The following DPP10 variants were observed in gnomAD, a reference collection of about 807,000 sequenced individuals.
DPP10 encodes the protein inactive dipeptidyl peptidase 10.
A neutral mutation model predicts 120.9 loss-of-function variants in DPP10; 33 were observed. The observed-to-expected ratio is 0.27, with a 90% CI of 0.21 to 0.37. The LOEUF (loss-of-function observed/expected upper bound fraction) is 0.37. Among genes scored for constraint, DPP10 ranks in the 10% least tolerant of loss-of-function variants. The pLI is 1.00. For synonymous variants in DPP10, 337 were observed against 326.1 expected (o/e 1.03, Z -0.36); for missense variants, 816 against 942.8 (o/e 0.87, Z 1.76).
intron 1 of DPP10, among the ~76,000 whole-genome samples, chr2:115,088,750 C>CAAAAA (rs70941027): frequency 0.048 from 3,144 of 64,928 alleles, 397 homozygotes; most frequent in African/African-American, 0.16. Flanking sequence ...CTGTGCCTGA[C>CAAAAA]AAAAAAAAAA....
intron 5 of DPP10, among the ~76,000 whole-genome samples, chr2:115,653,291 C>T (rs139030694): frequency 2.0e-5 from 3 of 151,746 alleles, no homozygotes; most frequent in African/African-American, 7.3e-5. Flanking sequence ...TTGTTTAATA[C>T]AAGTTAAAAA....
intron 1 of DPP10, among the ~76,000 whole-genome samples, chr2:114,502,880 A>G (rs748311380): frequency 5.3e-5 from 8 of 152,232 alleles, no homozygotes; most frequent in Non-Finnish European, 1.2e-4. Flanking sequence ...CTAAGTGTGA[A>G]TTCTACTTAA....
intron 5 of DPP10, among the ~76,000 whole-genome samples, chr2:115,529,023 G>A (rs760372399): frequency 2.5e-4 from 38 of 151,938 alleles, no homozygotes; most frequent in Non-Finnish European, 4.6e-4. Flanking sequence ...AGATAGTATC[G>A]GTGGGGAAAA....
At chr2:114,713,278 G>A (rs1005248974) in intron 1 of DPP10, among the ~76,000 whole-genome samples, 3 of 152,050 alleles carry the variant, frequency 2.0e-5, no homozygotes, top group Admixed American at 6.5e-5. Flanking sequence ...GTGAGCCACC[G>A]TACCCCGCCT....
intron 1 of DPP10, among the ~76,000 whole-genome samples, chr2:114,539,847 G>A (rs762244976): frequency 1.3e-4 from 20 of 152,090 alleles, no homozygotes; most frequent in Non-Finnish European, 2.6e-4. Context: ...AAAGCACATT[G>A]ACATAGCCAT....
intron 1 of DPP10, among the ~76,000 whole-genome samples, chr2:114,786,222 A>T (rs1682753627): frequency 6.6e-6 from 1 of 152,240 alleles, no homozygotes; most frequent in Admixed American, 6.5e-5. Flanking sequence ...GACTGATAGA[A>T]TTTTTGTTCT....
intron 1 of DPP10, among the ~76,000 whole-genome samples, chr2:114,904,337 A>G (rs1280293953): frequency 6.6e-6 from 1 of 152,248 alleles, no homozygotes; most frequent in African/African-American, 2.4e-5. Context: ...AAAATCGCAA[A>G]GAACTTGGCT....
chr2:115,667,233 T>C (rs2089524494), intron 5 of DPP10, among the ~76,000 whole-genome samples: 1 of 152,150 alleles, frequency 6.6e-6, no homozygotes, highest in African/African-American at 2.4e-5. Context: ...TTTAAGTTCC[T>C]TATAGATTCT....
intron 1 of DPP10, among the ~76,000 whole-genome samples, chr2:114,670,419 C>G (rs1204545668): frequency 3.3e-5 from 5 of 152,006 alleles, no homozygotes; most frequent in Non-Finnish European, 7.3e-5. Flanking sequence ...TCTCAGTAAA[C>G]TATCGCAAGG....
At chr2:114,535,879 C>T (rs1317770326) in intron 1 of DPP10, among the ~76,000 whole-genome samples, 1 of 152,176 alleles carries the variant, frequency 6.6e-6, no homozygotes, top group Admixed American at 6.5e-5. Flanking sequence ...CCATGGCTTT[C>T]CTGGGTGCAG....
chr2:114,816,625 C>A (rs980500459), intron 1 of DPP10, among the ~76,000 whole-genome samples: 15 of 152,276 alleles, frequency 9.9e-5, no homozygotes, highest in African/African-American at 3.6e-4. Flanking sequence ...CTAATGTATT[C>A]ATTCGCTTAT....
intron 2 of DPP10, among the ~76,000 whole-genome samples, chr2:115,343,152 G>A (rs1188972032): frequency 1.3e-5 from 2 of 152,120 alleles, no homozygotes; most frequent in Non-Finnish European, 2.9e-5. Flanking sequence ...TTCAAGTCCT[G>A]TTATCTTTTC....
intron 5 of DPP10, among the ~76,000 whole-genome samples, chr2:115,665,633 A>G (rs911796102): frequency 6.6e-6 from 1 of 152,146 alleles, no homozygotes; most frequent in Non-Finnish European, 1.5e-5. Flanking sequence ...CATTTTATGT[A>G]TCTTGCTATA....
intron 1 of DPP10, among the ~76,000 whole-genome samples, chr2:114,770,779 AT>A (rs563650405): frequency 3.5e-4 from 53 of 152,256 alleles, no homozygotes; most frequent in African/African-American, 1.2e-3. Context: ...CCGCTATAGA[AT>A]TTTTGCTATT....
At chr2:115,492,971 T>C (rs1055536029) in intron 3 of DPP10, among the ~76,000 whole-genome samples, 1 of 152,152 alleles carries the variant, frequency 6.6e-6, no homozygotes, top group African/African-American at 2.4e-5. Context: ...TATTTATTAG[T>C]GGGCATTGTA....
intron 1 of DPP10, among the ~76,000 whole-genome samples, chr2:115,085,185 C>G (rs1274165618): frequency 6.6e-6 from 1 of 152,218 alleles, no homozygotes; most frequent in African/African-American, 2.4e-5. Context: ...TTTCATTATA[C>G]TAGACTGAAT....
At chr2:114,884,250 T>C (rs115509234) in intron 1 of DPP10, among the ~76,000 whole-genome samples, 4,129 of 152,324 alleles carry the variant, frequency 0.027, 184 homozygotes, top group African/African-American at 0.095. Flanking sequence ...TGATAAATCG[T>C]GAGATTGCTG....
At chr2:115,535,154 T>G (rs1306576928) in intron 5 of DPP10, among the ~76,000 whole-genome samples, 5 of 152,208 alleles carry the variant, frequency 3.3e-5, no homozygotes, top group Non-Finnish European at 7.3e-5. Flanking sequence ...TTGTTGCCAT[T>G]GCTTTTGGTG....
At chr2:115,496,478 C>T (rs1452626807) in intron 3 of DPP10, among the ~76,000 whole-genome samples, 3 of 152,084 alleles carry the variant, frequency 2.0e-5, no homozygotes, top group African/African-American at 7.2e-5. Flanking sequence ...ACAAGCTTCA[C>T]TTCCTTCTAC....
Sources: allele counts gnomAD v4.1 joint callset (sites outside exome capture counted in the v4.1 genomes callset), GRCh38; gene constraint gnomAD v4.1.1; transcripts MANE v1.5; gene names NCBI Gene and HGNC (gene_info 2026-07-23, HGNC 2026-07-21).